ARSJ: variants seen among roughly 807,000 people sequenced by gnomAD.
ARSJ encodes the protein arylsulfatase J.
A neutral mutation model predicts 35.9 loss-of-function variants in ARSJ; 26 were observed. The observed-to-expected ratio is 0.72, with a 90% confidence interval of 0.53 to 1.00. The LOEUF is 1.00. Ranked by LOEUF, ARSJ falls within the 50% of genes least tolerant of loss-of-function variation. The probability of loss-of-function intolerance (pLI) is 0.00; values close to 1 mark genes in which losing one functional copy is unlikely to be tolerated. For missense variants in ARSJ, 667 were observed against 723.6 expected, an observed-to-expected ratio of 0.92 and a Z score of 0.90; for synonymous variants, 294 against 267.6, an observed-to-expected ratio of 1.10 and a Z score of -0.96.
intron 1 of ARSJ, among the ~76,000 whole-genome samples, chr4:113,929,876 G>C (rs1724320617): frequency 6.6e-6 from 1 of 152,090 alleles, no homozygotes; most frequent in Non-Finnish European, 1.5e-5. Context: ...AAGGTATTAT[G>C]TATAGAGTCA....
intron 1 of ARSJ, among the ~76,000 whole-genome samples, chr4:113,973,033 T>C (rs1727374358): frequency 6.6e-6 from 1 of 152,210 alleles, no homozygotes; most frequent in African/African-American, 2.4e-5. Flanking sequence ...TTCCGGAACC[T>C]GATCCCTCAT....
At chr4:113,911,880 G>C (rs1215932636) in intron 1 of ARSJ, among the ~76,000 whole-genome samples, 1 of 152,128 alleles carries the variant, frequency 6.6e-6, no homozygotes, top group African/African-American at 2.4e-5. Context: ...CTTCACCATA[G>C]TAACTAATTT....
At chr4:113,960,496 T>C (rs960023613) in intron 1 of ARSJ, among the ~76,000 whole-genome samples, 8 of 152,120 alleles carry the variant, frequency 5.3e-5, no homozygotes, top group African/African-American at 1.9e-4. Flanking sequence ...GCAGGATTAT[T>C]AGTGAACTGC....
chr4:113,901,941 T>C lies in ARSJ; in HGVS notation c.*333A>G. The C allele has an allele frequency of 2.5e-6, 1 of 392,630 alleles. No individual in the cohort carries two copies. The highest frequency in any genetic ancestry group is 4.7e-6 in the Non-Finnish European group (1 of 214,786). The allele number at this position is 392,630 out of a possible 1,614,324, so 24.3% of individuals were successfully genotyped here. A position where few individuals can be genotyped will look rare whatever the true frequency, so the allele number is the denominator to read the frequency against. ...AATTAGCATGCTTGCGGATGGTAGG[T>C]TATTGTTCTCCTCCTATAATTCAAA... On this transcript the variant is annotated 3_prime_UTR_variant, in exon 2 of 2. Transcript: ENST00000315366.
Position 113,902,398 on chromosome 4 carries a change from G to A in ARSJ, c.1676C>T (p.Thr559Ile). 1 of 1,613,424 alleles carries A rather than the reference G, an allele frequency of 6.2e-7. No individual in the cohort carries two copies. The highest frequency in any genetic ancestry group is 8.5e-7 in the Non-Finnish European group (1 of 1,179,836). ...GVWGPWYKEE[T>I]KKKKPSKNQA... is the part of the protein sequence containing the mutation. ...ATTTTTGCTTGGCTTCTTTTTCTTG[G>A]TTTCCTCTTTATACCATGGTCCCCA... The change falls in exon 2 of 2, where the codon ACC (threonine) becomes ATC (isoleucine). Residue 559 changes from threonine to isoleucine, a missense_variant. Coordinates refer to ENST00000315366, the MANE Select transcript of ARSJ (RefSeq NM_024590.4).
chr4:113,929,990 C>T (rs1233983219), intron 1 of ARSJ, among the ~76,000 whole-genome samples: 1 of 152,062 alleles, frequency 6.6e-6, no homozygotes, highest in African/African-American at 2.4e-5. Context: ...TCAGTGTTCT[C>T]TATGCTATTA....
intron 1 of ARSJ, 146 bp downstream of exon 1, chr4:113,978,291 A>AC: frequency 2.7e-6 from 2 of 751,848 alleles, no homozygotes; most frequent in South Asian, 4.0e-5. Context: ...TTAACACGGT[A>AC]CCCCAATACC....
chr4:113,944,518 T>C (rs1415828008), intron 1 of ARSJ, among the ~76,000 whole-genome samples: 1 of 152,052 alleles, frequency 6.6e-6, no homozygotes, highest in Non-Finnish European at 1.5e-5. Flanking sequence ...AATAAAATTA[T>C]ATGCAGTGTC....
chr4:113,912,458 A>C (rs1722975152), intron 1 of ARSJ, among the ~76,000 whole-genome samples: 1 of 152,160 alleles, frequency 6.6e-6, no homozygotes. Flanking sequence ...GGAAAGTGAA[A>C]ACGTATAGAT....
At position 113,902,795 on chromosome 4, in the gene ARSJ, T is replaced by C. The variant is rs767985860; in HGVS notation, c.1279A>G (p.Thr427Ala). Residue 427 changes from threonine to alanine, a missense_variant, in exon 2 of 2, where the codon ACC (threonine) becomes GCC (alanine). Physicochemically the swap from Thr to Ala is moderately conservative, Grantham distance 58 (BLOSUM62 0). Coordinates refer to ENST00000315366, the MANE Select transcript of ARSJ (RefSeq NM_024590.4). ...GCCCAGGAGCCATTTTTTGCCTTGG[T>C]GTATATGGGGTCAATGTTATGCAAA... ...DILHNIDPIY[T>A]KAKNGSWAAG... 11 of 1,614,102 alleles carry C rather than the reference T, an allele frequency of 6.8e-6. No homozygotes were observed. Among genetic ancestry groups the C allele is most frequent in the Middle Eastern group, 3.3e-4 (2 of 6,062 alleles).
intron 1 of ARSJ, among the ~76,000 whole-genome samples, chr4:113,931,489 A>C (rs1316850450): frequency 6.6e-6 from 1 of 152,102 alleles, no homozygotes; most frequent in African/African-American, 2.4e-5. Flanking sequence ...ACCCTTAACA[A>C]AGAAGATGTA....
Position 113,902,552 on chromosome 4 carries a change from G to A in ARSJ, c.1522C>T (p.Leu508=). 1 of 1,614,130 alleles carries A rather than the reference G, an allele frequency of 6.2e-7. No individual in the cohort carries two copies. Among genetic ancestry groups the A allele is most frequent in the East Asian group, 2.2e-5 (1 of 44,870 alleles). ...ITADPYERVD[L]SNRYPGIVKK... ...ACGATTCCTGGATACCTGTTAGATAGGTCCACCCTCTCATATGGGTCGGCT... is the reference window on the plus strand; with the variant it reads ...ACGATTCCTGGATACCTGTTAGATAAGTCCACCCTCTCATATGGGTCGGCT... Residue 508 remains leucine (L), a synonymous_variant, in exon 2 of 2, where the codon CTA becomes TTA. Coordinates refer to ENST00000315366, the MANE Select transcript of ARSJ (RefSeq NM_024590.4).
chr4:113,941,958 G>T (rs1470502676), intron 1 of ARSJ, among the ~76,000 whole-genome samples: 1 of 151,930 alleles, frequency 6.6e-6, no homozygotes, highest in Non-Finnish European at 1.5e-5. Context: ...GGGGTAGAGG[G>T]TGGAGCAGGT....
Position 113,903,090 on chromosome 4 carries a change from A to G in ARSJ, c.984T>C (p.Asn328=). ...NNSIIIYSSD[N]GGQPTAGGSN... ...TCCCTCCTGCCGTAGGCTGGCCACC[A>G]TTATCTGAAGAGTAAATGATAATGC... The change falls in exon 2 of 2, where the codon AAT becomes AAC. Residue 328 remains asparagine (N), a synonymous_variant. Transcript: ENST00000315366. 1.2e-6 allele frequency: 2 copies of G among 1,614,202 alleles called. No individual in the cohort carries two copies. Among genetic ancestry groups the G allele is most frequent in the Non-Finnish European group, 8.5e-7 (1 of 1,180,034 alleles).
chr4:113,967,269 T>C (rs963623281), intron 1 of ARSJ, among the ~76,000 whole-genome samples: 79 of 152,266 alleles, frequency 5.2e-4, no homozygotes, highest in African/African-American at 1.9e-3. Flanking sequence ...TTCATAAGTA[T>C]GCTGTCATTT....
intron 1 of ARSJ, among the ~76,000 whole-genome samples, chr4:113,975,872 C>A (rs1307400575): frequency 6.6e-6 from 1 of 152,136 alleles, no homozygotes; most frequent in Non-Finnish European, 1.5e-5. Flanking sequence ...AACCCCGGAC[C>A]TACCAAAGCT....
intron 1 of ARSJ, among the ~76,000 whole-genome samples, chr4:113,961,087 T>C (rs982341966): frequency 1.3e-5 from 2 of 151,850 alleles, no homozygotes; most frequent in Admixed American, 6.6e-5. Context: ...AAATAAGTAA[T>C]GGGAGAGAGA....
chr4:113,970,501 A>G (rs1167868726), intron 1 of ARSJ: 1 of 152,264 alleles, frequency 6.6e-6, no homozygotes, highest in Non-Finnish European at 1.5e-5. Flanking sequence ...AAGATCAAAT[A>G]ACAGGATGTC....
chr4:113,968,994 T>A lies in ARSJ; in HGVS notation c.398+9443A>T, dbSNP rs148137755. ...CTAAGTTGTAGCCCCAGGGGTGAGT[T>A]GGAATTCAAAGCTGGATAAGATATA... is the stretch of plus-strand genomic sequence containing the variant. On this transcript the variant is annotated intron_variant, in intron 1 of 1. Coordinates refer to ENST00000315366, the MANE Select transcript of ARSJ (RefSeq NM_024590.4). 2.9e-3 allele frequency among the ~76,000 whole-genome samples: 435 copies of A among 152,332 alleles called. 5 individuals are homozygous for A. Among genetic ancestry groups the A allele is most frequent in the African/African-American group, 9.7e-3 (404 of 41,572 alleles).
Sources: allele counts gnomAD v4.1 joint callset (sites outside exome capture counted in the v4.1 genomes callset), GRCh38; gene constraint gnomAD v4.1.1; transcripts MANE v1.5; gene names NCBI Gene and HGNC (gene_info 2026-07-23, HGNC 2026-07-21).